Variants in USP54 observed in about 807,000 individuals in gnomAD.
USP54 encodes the protein ubiquitin specific peptidase 54, also known as ubiquitin carboxyl-terminal hydrolase 54.
In USP54, 87 loss-of-function variants were observed where a neutral mutation model predicts 170.5. The observed-to-expected ratio is 0.51, with a 90% CI of 0.43 to 0.61. The LOEUF (loss-of-function observed/expected upper bound fraction) is 0.61, where lower values mean the gene tolerates loss of function less well. USP54 is among the 20% of genes least tolerant of loss of function. The probability of loss-of-function intolerance (pLI) is 0.00; values close to 1 mark genes in which losing one functional copy is unlikely to be tolerated. For missense variants in USP54, 1,786 were observed against 2,047.8 expected (o/e 0.87, Z 2.47); for synonymous variants, 655 against 742.8 (o/e 0.88, Z 1.92).
chr10:73,590,854 TTTC>T (rs1469592066), intron 1 of USP54, among the ~76,000 whole-genome samples: 1 of 152,222 alleles, frequency 6.6e-6, no homozygotes, highest in Non-Finnish European at 1.5e-5. Flanking sequence ...TAGGCTCTTT[TTTC>T]TTCATTACTA....
At chr10:73,536,465 G>A (rs2065228913) in intron 10 of USP54, 28 bp from the exon 11 acceptor site, 1 of 1,512,888 alleles carries the variant, frequency 6.6e-7, no homozygotes, top group East Asian at 2.3e-5. Context: ...AGAAGAACAT[G>A]ACAATTATAC....
chr10:73,536,518 C>A, intron 10 of USP54, 81 bp from the exon 11 acceptor site: 1 of 1,371,136 alleles, frequency 7.3e-7, no homozygotes, highest in Non-Finnish European at 9.5e-7. Context: ...TTCTGTATTT[C>A]TAAAGAAAAT....
intron 1 of USP54, among the ~76,000 whole-genome samples, chr10:73,621,297 A>G (rs543444781): frequency 6.7e-6 from 1 of 149,934 alleles, no homozygotes; most frequent in South Asian, 2.1e-4. Flanking sequence ...ATTTTTCTCA[A>G]TATAAAAAAA....
intron 11 of USP54, among the ~76,000 whole-genome samples, chr10:73,535,258 T>G (rs1337388827): frequency 6.6e-6 from 1 of 152,146 alleles, no homozygotes; most frequent in Non-Finnish European, 1.5e-5. Context: ...TGACATACAT[T>G]AGTATAAATT....
intron 10 of USP54, among the ~76,000 whole-genome samples, chr10:73,536,638 A>G (rs1239026685): frequency 6.6e-6 from 1 of 152,212 alleles, no homozygotes; most frequent in Non-Finnish European, 1.5e-5. Context: ...TTTAGAAAGC[A>G]CTAAAATCCT....
chr10:73,542,829 T>TACC lies in USP54; in HGVS notation c.543_545dup (p.Val182dup). ...AAAGGGAAGTGGTGGAGATATAATG[T>TACC]ACCATCTGGATGAAAGGCAGCGGAT... On this transcript the variant is annotated inframe_insertion, in exon 7 of 24. Transcript: ENST00000687698. 6.2e-7 allele frequency: 1 copy of TACC among 1,613,824 alleles called. No homozygotes were observed. The highest frequency in any genetic ancestry group is 1.1e-5 in the South Asian group (1 of 91,068).
intron 16 of USP54, among the ~76,000 whole-genome samples, chr10:73,524,409 G>A (rs1022179070): frequency 1.6e-4 from 25 of 151,522 alleles, no homozygotes; most frequent in Admixed American, 5.9e-4. Context: ...GTGAAACCCC[G>A]TCTCTACTAA....
At position 73,498,603 on chromosome 10, in the gene USP54, GCT is replaced by G; in HGVS notation, c.*24_*25del. 1 of 1,510,966 alleles carries G rather than the reference GCT, an allele frequency of 6.6e-7. No homozygotes were observed. Among genetic ancestry groups the G allele is most frequent in the Non-Finnish European group, 8.9e-7 (1 of 1,128,534 alleles). The allele number at this position is 1,510,966 out of a possible 1,614,324, so 93.6% of individuals were successfully genotyped here. A position where few individuals can be genotyped will look rare whatever the true frequency, so the allele number is the denominator to read the frequency against. On this transcript the variant is annotated 3_prime_UTR_variant, in exon 24 of 24. Coordinates refer to ENST00000687698, the MANE Select transcript of USP54 (RefSeq NM_001391956.1). The stretch of plus-strand genomic sequence containing the variant: ...GTACAGTTTTACAAAGAAAGGTGTA[GCT>G]CCAGGAAAGGAAAGGAATAACCTTT...
rs1423174584 is a variant in USP54, at chr10:73,512,989, C to T, written c.4051+3386G>A. 2.6e-5 allele frequency among the ~76,000 whole-genome samples: 4 copies of T among 151,530 alleles called. No homozygotes were observed. In the East Asian group the frequency reaches 7.7e-4, roughly 29 times the overall value. On this transcript the variant is annotated intron_variant, in intron 20 of 23. Coordinates refer to ENST00000687698, the MANE Select transcript of USP54 (RefSeq NM_001391956.1). The stretch of plus-strand genomic sequence containing the variant: ...ACAGTGAGCTGTGATCATGTCACTG[C>T]ACTCCAGCCAAGACAACAACATGAG...
chr10:73,575,233 C>T (rs1209559047), intron 3 of USP54, among the ~76,000 whole-genome samples: 1 of 152,132 alleles, frequency 6.6e-6, no homozygotes, highest in Admixed American at 6.6e-5. Context: ...TGAAAGATCA[C>T]CTGGTCCATT....
Position 73,517,045 on chromosome 10 carries a change from C to G in USP54, c.3381G>C (p.Gly1127=), listed in dbSNP as rs934925624. Residue 1127 remains glycine, a synonymous_variant, in exon 20 of 24, where the codon GGG becomes GGC. Transcript: ENST00000687698. Reference sequence around the variant, plus strand: ...ACTGCTCAGCCAGAGAACGGACAAGCCCCTTTGTGCTGGGAAACTCTGGCC... The same window carrying G: ...ACTGCTCAGCCAGAGAACGGACAAGGCCCTTTGTGCTGGGAAACTCTGGCC... ...TYRPEFPSTK[G]LVRSLAEQFQ... The G allele has an allele frequency of 1.2e-6, 2 of 1,614,196 alleles. No individual in the cohort carries two copies. Among genetic ancestry groups the G allele is most frequent in the Non-Finnish European group, 1.7e-6 (2 of 1,180,048 alleles).
chr10:73,533,712 T>C (rs1166351831), intron 12 of USP54, among the ~76,000 whole-genome samples: 1 of 152,228 alleles, frequency 6.6e-6, no homozygotes, highest in Non-Finnish European at 1.5e-5. Context: ...TGTTCTTCCC[T>C]GTATTGATTT....
intron 20 of USP54, among the ~76,000 whole-genome samples, chr10:73,512,528 G>A (rs535675217): frequency 5.9e-5 from 9 of 151,498 alleles, no homozygotes; most frequent in African/African-American, 2.2e-4. Context: ...TTTTTTAAGA[G>A]ATAGGGTCTC....
chr10:73,570,275 C>T (rs550548498), intron 4 of USP54, among the ~76,000 whole-genome samples: 13 of 152,082 alleles, frequency 8.5e-5, no homozygotes, highest in Middle Eastern at 6.8e-3. Context: ...CACATCATAG[C>T]TCTTTCTCTT....
In USP54 at chr10:73,591,258, A is replaced by G. The variant is rs2078217718; in HGVS notation, c.-582+20T>C. 1 of 151,900 alleles carries G rather than the reference A, an allele frequency of 6.6e-6. No individual in the cohort carries two copies. The highest frequency in any genetic ancestry group is 2.4e-5 in the African/African-American group (1 of 41,422). 9.4% of individuals were successfully genotyped at this position (151,900 alleles called of 1,614,324 possible). ...AATCTTCTATCTATCTGTTTTTACC[A>G]CAACAACTACAATACTTACCAGACA... is the stretch of plus-strand genomic sequence containing the variant. On this transcript the variant is annotated intron_variant, in intron 1 of 23. Coordinates refer to ENST00000687698, the MANE Select transcript of USP54 (RefSeq NM_001391956.1).
chr10:73,564,475 A>G (rs111276145), intron 4 of USP54, among the ~76,000 whole-genome samples: 44 of 152,226 alleles, frequency 2.9e-4, no homozygotes, highest in African/African-American at 9.6e-4. Flanking sequence ...TGAACTACAA[A>G]TTTTGTTCCA....
chr10:73,529,024 C>G (rs2063506062), intron 15 of USP54: 3 of 152,278 alleles, frequency 2.0e-5, no homozygotes, highest in African/African-American at 7.2e-5. Flanking sequence ...ACATTAGATC[C>G]CTAGACTTGT....
chr10:73,604,197 C>T lies in USP54; in HGVS notation c.-18+21370G>A, dbSNP rs559062936. Among the ~76,000 whole-genome samples the T allele has an allele frequency of 2.6e-3, 398 of 151,650 alleles. 2 individuals carry two copies. Among genetic ancestry groups the T allele is most frequent in the African/African-American group, 9.1e-3 (376 of 41,330 alleles). ...CCAGGAGGCAGAGGTTGCAGTGAGC[C>T]GAGATCGCACCACTGACTCCAGCCT... On this transcript the variant is annotated intron_variant, in intron 1 of 22. Transcript: ENST00000339859.
At chr10:73,536,706 T>C (rs571536559) in intron 10 of USP54, among the ~76,000 whole-genome samples, 9 of 152,266 alleles carry the variant, frequency 5.9e-5, no homozygotes, top group African/African-American at 2.2e-4. Context: ...ATCAACTCAG[T>C]TGTAAAATAG....
Sources: gnomAD v4.1 joint callset for allele counts (sites outside exome capture counted in the v4.1 genomes callset) on GRCh38, gnomAD v4.1.1 for gene constraint, MANE v1.5 for transcripts, NCBI Gene and HGNC (gene_info 2026-07-23, HGNC 2026-07-21) for gene names.